Variants in FRMD4B observed in about 807,000 individuals in gnomAD.
The protein encoded by FRMD4B is FERM domain containing 4B.
A neutral mutation model predicts 141.5 loss-of-function variants in FRMD4B; 74 were observed. The ratio of observed to expected loss-of-function variants is 0.52; its 90% CI spans 0.43 to 0.63. The LOEUF is 0.63. FRMD4B is among the 30% of genes least tolerant of loss of function. The pLI, the probability that FRMD4B is intolerant of heterozygous loss-of-function variation, is 0.00. For synonymous variants in FRMD4B, 506 were observed against 467.9 expected, an observed-to-expected ratio of 1.08 and a Z score of -1.05; for missense variants, 1,366 against 1,253.4, an observed-to-expected ratio of 1.09 and a Z score of -1.36.
intron 1 of FRMD4B, chr3:69,535,684 A>C: frequency 3.2e-6 from 1 of 312,510 alleles, no homozygotes; most frequent in Non-Finnish European, 6.4e-6. Context: ...CTGGCTAGAT[A>C]CGTCAGATGA....
At chr3:69,498,148 A>G (rs1302516971) in intron 1 of FRMD4B, among the ~76,000 whole-genome samples, 2 of 152,200 alleles carry the variant, frequency 1.3e-5, no homozygotes, top group Middle Eastern at 3.2e-3. Flanking sequence ...CTAAAGCTCA[A>G]TGAAAAGAGA....
intron 8 of FRMD4B, among the ~76,000 whole-genome samples, chr3:69,222,428 T>C (rs116645692): frequency 0.015 from 2,209 of 144,860 alleles, 24 homozygotes; most frequent in Non-Finnish European, 0.024. Context: ...GATTGAGCCA[T>C]TGCACTCCAT....
At chr3:69,514,732 A>G (rs1403016974) in intron 1 of FRMD4B, among the ~76,000 whole-genome samples, 1 of 148,288 alleles carries the variant, frequency 6.7e-6, no homozygotes, top group Non-Finnish European at 1.5e-5. Context: ...ATAAATGGAA[A>G]GACATTCTGT....
At chr3:69,258,205 ATCCTCCT>A (rs2093504283) in intron 5 of FRMD4B, among the ~76,000 whole-genome samples, 1 of 152,106 alleles carries the variant, frequency 6.6e-6, no homozygotes, top group African/African-American at 2.4e-5. Context: ...GGCTCAAGCA[ATCCTCCT>A]CCCTCAGCTT....
At chr3:69,394,852 C>A (rs529013762) in intron 2 of FRMD4B, among the ~76,000 whole-genome samples, 1 of 152,206 alleles carries the variant, frequency 6.6e-6, no homozygotes, top group Non-Finnish European at 1.5e-5. Context: ...AAGAGTGAGT[C>A]CATGTCCTTC....
At chr3:69,433,551 G>A (rs780278174) in intron 1 of FRMD4B, among the ~76,000 whole-genome samples, 5 of 152,222 alleles carry the variant, frequency 3.3e-5, no homozygotes, top group Non-Finnish European at 7.3e-5. Flanking sequence ...CCCCCTGGAT[G>A]TGCAAGGCAT....
intron 1 of FRMD4B, chr3:69,535,769 C>T: frequency 2.1e-6 from 1 of 469,318 alleles, no homozygotes; most frequent in Non-Finnish European, 4.4e-6. Context: ...TGTGCAGGCA[C>T]CACCTTGGAC....
In FRMD4B at chr3:69,215,022, C is replaced by T. The variant is rs141076622; in HGVS notation, c.876+1241G>A. On this transcript the variant is annotated intron_variant, in intron 11 of 22. Transcript: ENST00000398540. Reference sequence around the variant, plus strand: ...AGCCTCCCGAGGAGCTGGGACTATACGCGCATGCCGCTATGCCCAGCTCAT... The same window carrying T: ...AGCCTCCCGAGGAGCTGGGACTATATGCGCATGCCGCTATGCCCAGCTCAT... Among the ~76,000 whole-genome samples the T allele has an allele frequency of 7.5e-3, 1,123 of 150,424 alleles. 7 individuals are homozygous for T. The highest frequency in any genetic ancestry group is 0.011 in the Non-Finnish European group (727 of 67,532).
chr3:69,471,762 C>A, intron 1 of FRMD4B: 1 of 155,780 alleles, frequency 6.4e-6, no homozygotes, highest in South Asian at 1.9e-4. Flanking sequence ...GTCATTTCAC[C>A]ATCCACTCTC....
intron 1 of FRMD4B, among the ~76,000 whole-genome samples, chr3:69,516,106 T>A (rs959765285): frequency 6.6e-6 from 1 of 152,048 alleles, no homozygotes; most frequent in Non-Finnish European, 1.5e-5. Flanking sequence ...ATGCCTGTAG[T>A]CCCAACTACT....
chr3:69,213,435 A>G (rs2093106728), intron 11 of FRMD4B, among the ~76,000 whole-genome samples: 2 of 152,016 alleles, frequency 1.3e-5, no homozygotes, highest in South Asian at 2.1e-4. Context: ...AAAATTGGGT[A>G]TCCTTCATTT....
intron 11 of FRMD4B, among the ~76,000 whole-genome samples, chr3:69,215,774 C>T (rs1336640541): frequency 1.3e-5 from 2 of 152,146 alleles, no homozygotes; most frequent in African/African-American, 4.8e-5. Flanking sequence ...TATATGTCTA[C>T]CATCCAATTC....
chr3:69,523,974 C>T (rs894392258), intron 1 of FRMD4B, among the ~76,000 whole-genome samples: 1 of 152,126 alleles, frequency 6.6e-6, no homozygotes, highest in Non-Finnish European at 1.5e-5. Flanking sequence ...TATCCTTTGC[C>T]CCAACTAACT....
chr3:69,406,263 C>T (rs17005844), intron 2 of FRMD4B, among the ~76,000 whole-genome samples: 5,465 of 152,292 alleles, frequency 0.036, 333 homozygotes, highest in African/African-American at 0.12. Flanking sequence ...TAGAGCACCA[C>T]ATTTAATGAA....
At chr3:69,398,778 A>G (rs1330407678) in intron 2 of FRMD4B, among the ~76,000 whole-genome samples, 1 of 152,104 alleles carries the variant, frequency 6.6e-6, no homozygotes, top group East Asian at 1.9e-4. Context: ...TCTTAACCCC[A>G]CAGGAAAGCG....
At chr3:69,329,920 A>G (rs59848666) in intron 1 of FRMD4B, among the ~76,000 whole-genome samples, 11,650 of 152,084 alleles carry the variant, frequency 0.077, 1,513 homozygotes, top group African/African-American at 0.27. Context: ...TGAACCTCCC[A>G]AACCTAAAAG....
chr3:69,420,524 A>C (rs1056846135), intron 2 of FRMD4B, among the ~76,000 whole-genome samples: 1 of 152,090 alleles, frequency 6.6e-6, no homozygotes, highest in Non-Finnish European at 1.5e-5. Context: ...ATTCAGGTGA[A>C]TGTGTCTCCG....
intron 7 of FRMD4B, among the ~76,000 whole-genome samples, chr3:69,226,983 T>G (rs1449700244): frequency 6.6e-6 from 1 of 152,216 alleles, no homozygotes; most frequent in Non-Finnish European, 1.5e-5. Flanking sequence ...AATACATGTC[T>G]GCTAAACTCA....
intron 2 of FRMD4B, among the ~76,000 whole-genome samples, chr3:69,391,330 T>C (rs982651797): frequency 6.6e-5 from 10 of 151,994 alleles, no homozygotes; most frequent in South Asian, 4.2e-4. Flanking sequence ...ACATGTGCCA[T>C]GTTGGTATGT....
Sources: gnomAD v4.1 joint callset for allele counts (sites outside exome capture counted in the v4.1 genomes callset) on GRCh38, gnomAD v4.1.1 for gene constraint, MANE v1.5 for transcripts, NCBI Gene and HGNC (gene_info 2026-07-23, HGNC 2026-07-21) for gene names.